FHIP1A: variants seen among roughly 807,000 people sequenced by gnomAD.
FHIP1A encodes FHF complex subunit HOOK-interacting protein 1A.
A neutral mutation model predicts 88.6 loss-of-function variants in FHIP1A; 61 were observed. The ratio of observed to expected loss-of-function variants is 0.69; its 90% CI spans 0.56 to 0.85. The LOEUF (loss-of-function observed/expected upper bound fraction) is 0.85. FHIP1A is among the 40% of genes least tolerant of loss of function. The probability of loss-of-function intolerance (pLI) is 0.00; values close to 1 mark genes in which losing one functional copy is unlikely to be tolerated. For synonymous variants in FHIP1A, 478 were observed against 496.0 expected (o/e 0.96, Z 0.48); for missense variants, 1,154 against 1,273.5 (o/e 0.91, Z 1.43).
At chr4:151,588,243 T>C (rs1734293061) in intron 6 of FHIP1A, among the ~76,000 whole-genome samples, 1 of 152,140 alleles carries the variant, frequency 6.6e-6, no homozygotes, top group Admixed American at 6.5e-5. Flanking sequence ...ATGAGAAGTA[T>C]TGTACTTCTG....
chr4:151,616,335 T>G (rs1457702169), intron 7 of FHIP1A, among the ~76,000 whole-genome samples: 2 of 152,058 alleles, frequency 1.3e-5, no homozygotes. Flanking sequence ...TTTACTCCTG[T>G]GGGCAAACAT....
At chr4:151,476,051 G>T (rs907029318) in intron 2 of FHIP1A, among the ~76,000 whole-genome samples, 1 of 151,396 alleles carries the variant, frequency 6.6e-6, no homozygotes, top group Non-Finnish European at 1.5e-5. Flanking sequence ...TAGTAGAGAC[G>T]GGGTTTCACC....
intron 3 of FHIP1A, among the ~76,000 whole-genome samples, chr4:151,537,203 G>A (rs1732102124): frequency 6.6e-6 from 1 of 151,790 alleles, no homozygotes; most frequent in Admixed American, 6.6e-5. Context: ...ACTGCCAAAT[G>A]TTTTCCAGAG....
chr4:151,465,298 C>T (rs1406405074), intron 2 of FHIP1A, among the ~76,000 whole-genome samples: 1 of 152,134 alleles, frequency 6.6e-6, no homozygotes, highest in Non-Finnish European at 1.5e-5. Flanking sequence ...TTCCTGAACA[C>T]ATACACCCTC....
intron 5 of FHIP1A, among the ~76,000 whole-genome samples, chr4:151,578,827 C>CA (rs1733916906): frequency 6.6e-6 from 1 of 152,080 alleles, no homozygotes; most frequent in South Asian, 2.1e-4. Flanking sequence ...TTATAATTGC[C>CA]AAAAACTTGG....
Position 151,656,656 on chromosome 4 carries a change from T to A in FHIP1A, c.2731-104T>A, listed in dbSNP as rs1312908955. The stretch of plus-strand genomic sequence containing the variant: ...GTTAAAAATGAACAAATGTCTAACA[T>A]CATAATAGTTCCCATAATGAGGGTG... On this transcript the variant is annotated intron_variant, in intron 12 of 13. Transcript: ENST00000435205. This position sits in a 1 kb window ranked among gnomAD's most constrained non-coding sequence, Gnocchi z 4.2. 6 of 1,281,890 alleles carry A rather than the reference T, an allele frequency of 4.7e-6. 1 individual carries two copies. The South Asian group carries it at 5.9e-5, about 13-fold the overall frequency. 79.4% of individuals were successfully genotyped at this position (1,281,890 alleles called of 1,614,324 possible). A position where few individuals can be genotyped will look rare whatever the true frequency, so the allele number is the denominator to read the frequency against.
chr4:151,412,552 C>CTT (rs1237467870), intron 1 of FHIP1A, among the ~76,000 whole-genome samples: 1 of 136,658 alleles, frequency 7.3e-6, no homozygotes, highest in East Asian at 2.1e-4. Context: ...ATGGGCTTTT[C>CTT]TTTTTCTTTC....
chr4:151,607,521 C>T (rs1735119213), intron 7 of FHIP1A, among the ~76,000 whole-genome samples: 1 of 152,190 alleles, frequency 6.6e-6, no homozygotes, highest in Admixed American at 6.5e-5. Flanking sequence ...TAATTGAAAA[C>T]TAAAAGTGTG....
intron 3 of FHIP1A, among the ~76,000 whole-genome samples, chr4:151,517,851 TAAA>T: frequency 6.6e-6 from 1 of 152,144 alleles, no homozygotes; most frequent in Non-Finnish European, 1.5e-5. Flanking sequence ...AGGATATAAA[TAAA>T]GAAAATATTT....
intron 2 of FHIP1A, among the ~76,000 whole-genome samples, chr4:151,464,226 G>A (rs1309494057): frequency 2.0e-5 from 3 of 152,084 alleles, no homozygotes; most frequent in Non-Finnish European, 4.4e-5. Context: ...TTTAGCCAGT[G>A]ATTGTTGTAT....
chr4:151,614,468 CAAAAA>C, intron 7 of FHIP1A, among the ~76,000 whole-genome samples: 1 of 61,246 alleles, frequency 1.6e-5, no homozygotes, highest in South Asian at 5.2e-4. Flanking sequence ...GACTCTGTCT[CAAAAA>C]AAAAAAAAAA....
At chr4:151,540,329 G>C (rs1463880273) in intron 3 of FHIP1A, among the ~76,000 whole-genome samples, 1 of 152,194 alleles carries the variant, frequency 6.6e-6, no homozygotes, top group African/African-American at 2.4e-5. Flanking sequence ...AACTTGGGAA[G>C]AGGATCTCTT....
rs1432959753 is a variant in FHIP1A at position 151,536,208 on chromosome 4, C to T, written c.-122-29930C>T. On this transcript the variant is annotated intron_variant, in intron 3 of 13. Transcript: ENST00000435205. ...ATCCTTCCTACACTTTGCCCAGTTTCCCCCAGTGGTAACAGTTTACAAAAC... is the reference window on the plus strand; with the variant it reads ...ATCCTTCCTACACTTTGCCCAGTTTTCCCCAGTGGTAACAGTTTACAAAAC... Among the ~76,000 whole-genome samples, 4 of 152,288 alleles carry T rather than the reference C, an allele frequency of 2.6e-5. No individual in the cohort carries two copies. In the East Asian group the frequency reaches 5.8e-4, roughly 22 times the overall value.
chr4:151,550,586 G>C (rs1396912579), intron 3 of FHIP1A, among the ~76,000 whole-genome samples: 1 of 152,194 alleles, frequency 6.6e-6, no homozygotes, highest in Non-Finnish European at 1.5e-5. Context: ...GTGTGTTTTT[G>C]TTAGTTTGCC....
rs1021194362 is a variant in FHIP1A at position 151,664,831 on chromosome 4, T to C, written c.*2077T>C. Reference sequence around the variant, plus strand: ...GTAGTTTGATTTACACCTTTCTCCATTATCTGGTGGTGGTGTTGATTCTTC... The same window carrying C: ...GTAGTTTGATTTACACCTTTCTCCACTATCTGGTGGTGGTGTTGATTCTTC... On this transcript the variant is annotated 3_prime_UTR_variant, in exon 14 of 14. Transcript: ENST00000435205. Among the ~76,000 whole-genome samples, 1 of 152,238 alleles carries C rather than the reference T, an allele frequency of 6.6e-6. No individual in the cohort carries two copies. The highest frequency in any genetic ancestry group is 2.4e-5 in the African/African-American group (1 of 41,456).
At chr4:151,467,896 G>T (rs1729377381) in intron 2 of FHIP1A, among the ~76,000 whole-genome samples, 1 of 151,578 alleles carries the variant, frequency 6.6e-6, no homozygotes, top group African/African-American at 2.4e-5. Flanking sequence ...CTTAAAACCA[G>T]GATGATGGGT....
chr4:151,575,623 A>C (rs935026264), intron 4 of FHIP1A, among the ~76,000 whole-genome samples: 2 of 152,126 alleles, frequency 1.3e-5, no homozygotes, highest in African/African-American at 4.8e-5. Flanking sequence ...TGTCAACTTA[A>C]GGGTGTTAGG....
At chr4:151,505,847 A>G (rs576127218) in intron 3 of FHIP1A, among the ~76,000 whole-genome samples, 3 of 152,300 alleles carry the variant, frequency 2.0e-5, no homozygotes, top group African/African-American at 7.2e-5. Flanking sequence ...TTTTCTGTCC[A>G]TCTATAACTA....
At chr4:151,566,705 C>G (rs1333021641) in intron 4 of FHIP1A, among the ~76,000 whole-genome samples, 1 of 152,038 alleles carries the variant, frequency 6.6e-6, no homozygotes, top group African/African-American at 2.4e-5. Flanking sequence ...TGCTGATTTC[C>G]TTCCAGTTCT....
Sources: allele counts gnomAD v4.1 joint callset (sites outside exome capture counted in the v4.1 genomes callset), GRCh38; gene constraint gnomAD v4.1.1; non-coding constraint Gnocchi (gnomAD v3.1); transcripts MANE v1.5; gene names NCBI Gene and HGNC (gene_info 2026-07-23, HGNC 2026-07-21).